The following ELFN2 variants were observed in gnomAD, a reference collection of about 807,000 sequenced individuals.
ELFN2 encodes the protein extracellular leucine rich repeat and fibronectin type III domain containing 2.
In ELFN2, 17 loss-of-function variants were observed where a neutral mutation model predicts 45.5. That is an observed-to-expected ratio of 0.37 (90% confidence interval 0.26 to 0.56). ELFN2 has a LOEUF of 0.56. Ranked by LOEUF, ELFN2 falls within the 20% of genes least tolerant of loss-of-function variation. The pLI, the probability that ELFN2 is intolerant of heterozygous loss-of-function variation, is 0.77. For missense variants in ELFN2, 922 were observed against 1,183.2 expected (o/e 0.78, Z 3.24); for synonymous variants, 550 against 551.5 (o/e 1.00, Z 0.04).
intron 2 of ELFN2, among the ~76,000 whole-genome samples, chr22:37,405,112 T>TTTTTTTG (rs1335716866): frequency 6.8e-6 from 1 of 146,886 alleles, no homozygotes; most frequent in Non-Finnish European, 1.5e-5. Flanking sequence ...TTTTTTTTTT[T>TTTTTTTG]GAGACGGAGT....
chr22:37,386,603 G>A (rs140043960), intron 2 of ELFN2, among the ~76,000 whole-genome samples: 3 of 152,296 alleles, frequency 2.0e-5, no homozygotes, highest in African/African-American at 4.8e-5. Context: ...CCACACTGAC[G>A]GCCGCCTCTG....
In ELFN2 at chr22:37,375,910, T is replaced by G; in HGVS notation, c.-376A>C. ...CTTCCGGGCTCAGAACTTCAGATGA[T>G]TCCCACAGGAGGCTGGAGAGTGCCG... On this transcript the variant is annotated 5_prime_UTR_variant, in exon 3 of 3. Coordinates refer to ENST00000402918, the MANE Select transcript of ELFN2 (RefSeq NM_052906.5). The G allele has an allele frequency of 1.2e-4, 38 of 310,374 alleles. No homozygotes were observed. The highest frequency in any genetic ancestry group is 1.9e-4 in the Non-Finnish European group (30 of 157,132). 19.2% of individuals were successfully genotyped at this position (310,374 alleles called of 1,614,324 possible).
At chr22:37,354,408 T>C (rs927965528) in intron 1 of ELFN2, 1 of 152,180 alleles carries the variant, frequency 6.6e-6, no homozygotes, top group African/African-American at 2.4e-5. Context: ...ACTTCACAAA[T>C]AATAAAACAC....
chr22:37,373,590 C>G lies in ELFN2; in HGVS notation c.1945G>C (p.Asp649His), dbSNP rs781726017. The change falls in exon 3 of 3, where the codon GAC (aspartate) becomes CAC (histidine). Residue 649 changes from aspartate (D) to histidine (H), a missense_variant. Physicochemically the swap from Asp to His is moderately conservative, Grantham distance 81. Around this residue, in one of 2 missense-constraint regions of ELFN2, gnomAD observed 564 missense variants for 642.8 expected, o/e 0.88. Transcript: ENST00000402918. ...GCCAGCCCTGTGGCGGCCGGATGGTCGGGCACGTCCAGGCTAAAGACCTTG... is the reference window on the plus strand; with the variant it reads ...GCCAGCCCTGTGGCGGCCGGATGGTGGGGCACGTCCAGGCTAAAGACCTTG... ...SAKVFSLDVP[D>H]HPAATGLAKG... The G allele has an allele frequency of 6.2e-7, 1 of 1,607,518 alleles. No individual in the cohort carries two copies. Among genetic ancestry groups the G allele is most frequent in the Non-Finnish European group, 8.5e-7 (1 of 1,178,138 alleles).
intron 2 of ELFN2, among the ~76,000 whole-genome samples, chr22:37,414,068 G>A (rs927244804): frequency 1.3e-5 from 2 of 152,188 alleles, no homozygotes; most frequent in Non-Finnish European, 2.9e-5. Context: ...TCCCAGGGTG[G>A]CTGGTGGGGT....
At chr22:37,410,878 A>G (rs1455517597) in intron 2 of ELFN2, among the ~76,000 whole-genome samples, 11 of 152,174 alleles carry the variant, frequency 7.2e-5, no homozygotes, top group Non-Finnish European at 1.3e-4. Context: ...AGGAGGGGCC[A>G]CAGGGGCAGA....
chr22:37,360,800 A>G (rs1169819530), intron 1 of ELFN2, among the ~76,000 whole-genome samples: 2 of 152,246 alleles, frequency 1.3e-5, no homozygotes, highest in Non-Finnish European at 2.9e-5. Context: ...AGCTCTGGCC[A>G]TGAGGCAACA....
At chr22:37,350,040 C>T (rs553296534) in intron 1 of ELFN2, among the ~76,000 whole-genome samples, 10 of 150,906 alleles carry the variant, frequency 6.6e-5, no homozygotes, top group African/African-American at 2.2e-4. Context: ...GCAGTGGGGA[C>T]GGGGTGTGAG....
At chr22:37,367,341 C>G (rs780320499), downstream of ELFN2, among the ~76,000 whole-genome samples, 1 of 152,152 alleles carries the variant, frequency 6.6e-6, no homozygotes, top group Non-Finnish European at 1.5e-5. Context: ...GCAGAAGCCC[C>G]GAAGGACCAG....
At chr22:37,345,547 CTT>C (rs3041585) in intron 1 of ELFN2, among the ~76,000 whole-genome samples, 33,465 of 134,582 alleles carry the variant, frequency 0.25, 3,743 homozygotes, top group Middle Eastern at 0.33. Context: ...TTGTTGTTGT[CTT>C]TTTTTTTTTT....
Position 37,375,380 on chromosome 22 carries a change from T to C in ELFN2, c.155A>G (p.His52Arg). The C allele has an allele frequency of 1.2e-6, 2 of 1,614,148 alleles. No individual in the cohort carries two copies. Among genetic ancestry groups the C allele is most frequent in the Non-Finnish European group, 1.7e-6 (2 of 1,180,016 alleles). The stretch of plus-strand genomic sequence containing the variant: ...CAGGTCGTGCACGGTGCTATTGATG[T>C]GCTGCGGGATGGTCTCGTAGGGCGG... ...NQPPYETIPQ[H>R]INSTVHDLRL... is the part of the protein sequence containing the mutation. The change falls in exon 3 of 3, where the codon CAC becomes CGC. Residue 52 changes from histidine (H) to arginine (R), a missense_variant. Physicochemically the swap from His to Arg is conservative, Grantham distance 29. Around this residue, in one of 2 missense-constraint regions of ELFN2, gnomAD observed 358 missense variants for 540.4 expected, o/e 0.66. Coordinates refer to ENST00000402918, the MANE Select transcript of ELFN2 (RefSeq NM_052906.5).
chr22:37,361,144 C>A (rs4821646), intron 1 of ELFN2, among the ~76,000 whole-genome samples: 25 of 151,968 alleles, frequency 1.6e-4, no homozygotes, highest in African/African-American at 4.1e-4. Flanking sequence ...AGGTGCCAGC[C>A]AGGGCTGGTG....
At position 37,417,252 on chromosome 22, in the gene ELFN2, A is replaced by C. The variant is rs1932769344; in HGVS notation, c.-463+517T>G. Among the ~76,000 whole-genome samples the C allele has an allele frequency of 6.6e-6, 1 of 152,048 alleles. No individual in the cohort carries two copies. Among genetic ancestry groups the C allele is most frequent in the Non-Finnish European group, 1.5e-5 (1 of 68,014 alleles). ...GGCTCTCCCTGTGCCTCCAAAATTC[A>C]ATGACATAGGATCAGGCCCCATATC... is the stretch of plus-strand genomic sequence containing the variant. On this transcript the variant is annotated intron_variant, in intron 2 of 2. Transcript: ENST00000402918. This position sits in a 1 kb window ranked among gnomAD's most constrained non-coding sequence, Gnocchi z 4.5.
intron 2 of ELFN2, among the ~76,000 whole-genome samples, chr22:37,413,568 T>TAA (rs71195012): frequency 1.1e-4 from 13 of 122,702 alleles, no homozygotes; most frequent in African/African-American, 2.4e-4. Context: ...ACAGCCTGTC[T>TAA]AAAAAAAAAA....
intron 1 of ELFN2, among the ~76,000 whole-genome samples, chr22:37,358,197 C>T (rs758377892): frequency 5.9e-5 from 9 of 152,138 alleles, no homozygotes; most frequent in Admixed American, 1.3e-4. Context: ...ACATGGCCCA[C>T]GGCTGCATCG....
In ELFN2 at chr22:37,417,254, T is replaced by C. The variant is rs1932769477; in HGVS notation, c.-463+515A>G. On this transcript the variant is annotated intron_variant, in intron 2 of 2. Coordinates refer to ENST00000402918, the MANE Select transcript of ELFN2 (RefSeq NM_052906.5). This position sits in a 1 kb window ranked among gnomAD's most constrained non-coding sequence, Gnocchi z 4.5. ...CTCTCCCTGTGCCTCCAAAATTCAA[T>C]GACATAGGATCAGGCCCCATATCAA... Among the ~76,000 whole-genome samples, 1 of 152,178 alleles carries C rather than the reference T, an allele frequency of 6.6e-6. No homozygotes were observed. Among genetic ancestry groups the C allele is most frequent in the Non-Finnish European group, 1.5e-5 (1 of 68,030 alleles).
At chr22:37,420,628 C>G (rs1932803004) in intron 1 of ELFN2, 1 of 152,692 alleles carries the variant, frequency 6.5e-6, no homozygotes, top group Non-Finnish European at 1.5e-5. Flanking sequence ...ACGTGCCTAG[C>G]TTTAGCAGCT....
At chr22:37,406,514 C>T (rs566584222) in intron 2 of ELFN2, among the ~76,000 whole-genome samples, 1 of 152,228 alleles carries the variant, frequency 6.6e-6, no homozygotes, top group South Asian at 2.1e-4. Context: ...CCACCCCCCA[C>T]TCCCACCGCC....
intron 1 of ELFN2, among the ~76,000 whole-genome samples, chr22:37,346,775 CG>C (rs1930706422): frequency 6.6e-6 from 1 of 152,102 alleles, no homozygotes. Context: ...CGTACACACA[CG>C]TTGCAAAACA....
Sources: allele counts gnomAD v4.1 joint callset (sites outside exome capture counted in the v4.1 genomes callset), GRCh38; gene constraint gnomAD v4.1.1; regional missense constraint gnomAD v4.1.1; non-coding constraint Gnocchi (gnomAD v3.1); transcripts MANE v1.5; gene names NCBI Gene and HGNC (gene_info 2026-07-23, HGNC 2026-07-21).